The following SGSM2 variants were observed in gnomAD, a reference collection of about 807,000 sequenced individuals.
SGSM2 encodes the protein RUN and TBC1 domain containing 1.
A neutral mutation model predicts 126.6 loss-of-function variants in SGSM2; 89 were observed. The observed-to-expected ratio is 0.70, with a 90% CI of 0.59 to 0.84. The LOEUF is 0.84. Ranked by LOEUF, SGSM2 falls within the 40% of genes least tolerant of loss-of-function variation. The pLI is 0.00. For synonymous variants in SGSM2, 614 were observed against 574.3 expected, an observed-to-expected ratio of 1.07 and a Z score of -0.99; for missense variants, 1,404 against 1,416.6, an observed-to-expected ratio of 0.99 and a Z score of 0.14.
chr17:2,380,405 G>A lies in SGSM2; in HGVS notation c.*885G>A. ...GGTCACAGCCTCCCCTCAGAGACAG[G>A]CCTCAGTTCGAGGGCAGCCCATTAT... On this transcript the variant is annotated 3_prime_UTR_variant, in exon 24 of 24. Transcript: ENST00000268989. 8.7e-7 allele frequency: 1 copy of A among 1,150,432 alleles called. No individual in the cohort carries two copies. The highest frequency in any genetic ancestry group is 1.3e-6 in the Non-Finnish European group (1 of 797,712). 71.3% of individuals were successfully genotyped at this position (1,150,432 alleles called of 1,614,324 possible). A position where few individuals can be genotyped will look rare whatever the true frequency, so the allele number is the denominator to read the frequency against.
chr17:2,364,753 GTCC>G (rs1567827156), intron 9 of SGSM2, 90 bp downstream of exon 9: 1 of 1,562,784 alleles, frequency 6.4e-7, no homozygotes, highest in African/African-American at 1.4e-5. Context: ...AAGACTCCTC[GTCC>G]TCCTCCCATC....
In SGSM2 at chr17:2,367,304, G is replaced by T. The variant is rs776923604; in HGVS notation, c.1322G>T (p.Arg441Leu). 1.2e-6 allele frequency: 2 copies of T among 1,613,912 alleles called. No homozygotes were observed. Among genetic ancestry groups the T allele is most frequent in the African/African-American group, 1.3e-5 (1 of 74,918 alleles). Residue 441 changes from arginine to leucine, a missense_variant, in exon 12 of 24, where the codon CGC (arginine) becomes CTC (leucine). Arg to Leu is a moderately radical substitution (Grantham distance 102). Transcript: ENST00000268989. This position sits in a 1 kb window ranked among gnomAD's most constrained non-coding sequence, Gnocchi z 4.0. ...TINYHHLAAS[R>L]AASVDDDEEE... Reference sequence around the variant, plus strand: ...AACTACCACCACCTAGCGGCCAGCCGCGCGGCCTCGGTGGACGATGATGAG... The same window carrying T: ...AACTACCACCACCTAGCGGCCAGCCTCGCGGCCTCGGTGGACGATGATGAG...
intron 11 of SGSM2, among the ~76,000 whole-genome samples, 165 bp downstream of exon 11, chr17:2,365,506 T>C (rs568083964): frequency 5.3e-4 from 80 of 152,200 alleles, no homozygotes; most frequent in Non-Finnish European, 7.1e-4. Flanking sequence ...CCCACAGATA[T>C]TGCCTTTGAA....
Position 2,380,507 on chromosome 17 carries a change from A to G in SGSM2, c.*987A>G. On this transcript the variant is annotated 3_prime_UTR_variant, in exon 24 of 24. Coordinates refer to ENST00000268989, the MANE Select transcript of SGSM2 (RefSeq NM_014853.3). ...TGGGTGTCCCCATCTGTCCCTGGTG[A>G]GAAGCAAGGCTAGCTCTGCCTTCCA... 1 of 614,956 alleles carries G rather than the reference A, an allele frequency of 1.6e-6. No homozygotes were observed. 38.1% of individuals were successfully genotyped at this position (614,956 alleles called of 1,614,324 possible).
At chr17:2,348,496 G>A (rs547699000) in intron 2 of SGSM2, among the ~76,000 whole-genome samples, 18 of 152,312 alleles carry the variant, frequency 1.2e-4, no homozygotes, top group African/African-American at 4.1e-4. Context: ...AGAGGAAGGA[G>A]GGAGCTCTGA....
At chr17:2,348,767 T>C (rs1280084192) in intron 2 of SGSM2, among the ~76,000 whole-genome samples, 2 of 152,076 alleles carry the variant, frequency 1.3e-5, no homozygotes, top group East Asian at 3.9e-4. Context: ...TATTTTGTTT[T>C]GTTTCGTTTT....
chr17:2,339,088 C>T (rs956142472), intron 1 of SGSM2, among the ~76,000 whole-genome samples: 2 of 150,860 alleles, frequency 1.3e-5, no homozygotes, highest in East Asian at 2.0e-4. Flanking sequence ...TTAGCTGAGC[C>T]GTAATTAGAG....
intron 3 of SGSM2, 73 bp downstream of exon 3, chr17:2,361,872 C>A: frequency 6.6e-7 from 1 of 1,508,682 alleles, no homozygotes; most frequent in Admixed American, 2.0e-5. Context: ...TCCTAGGACA[C>A]CCATCGGAAA....
chr17:2,377,895 TG>T lies in SGSM2; in HGVS notation c.2843del (p.Gly948GlufsTer32). The T allele has an allele frequency of 6.2e-7, 1 of 1,613,236 alleles. No homozygotes were observed. The highest frequency in any genetic ancestry group is 8.5e-7 in the Non-Finnish European group (1 of 1,179,314). On this transcript the variant is annotated frameshift_variant, in exon 22 of 24. Transcript: ENST00000268989. LOFTEE classifies it high-confidence loss of function. ...SELFELMHQN[G>X]DYTHFYFCYR... ...AGCTGTTTGAGCTGATGCATCAGAA[TG>T]GAGACTACACCCACTTCTACTTCTG...
At chr17:2,371,066 G>A (rs1489937656) in intron 12 of SGSM2, among the ~76,000 whole-genome samples, 196 bp from the exon 13 acceptor site, 1 of 152,210 alleles carries the variant, frequency 6.6e-6, no homozygotes, top group African/African-American at 2.4e-5. Flanking sequence ...GCTTGCTGGA[G>A]GCTAGGAAGT....
intron 22 of SGSM2, 74 bp from the exon 23 acceptor site, chr17:2,378,962 C>A (rs2066302423): frequency 2.6e-6 from 4 of 1,517,104 alleles, no homozygotes; most frequent in Admixed American, 2.0e-5. Flanking sequence ...CAATCCCAGC[C>A]TCAGCCTCAA....
chr17:2,348,319 G>C (rs1171275197), intron 2 of SGSM2, among the ~76,000 whole-genome samples: 2 of 152,142 alleles, frequency 1.3e-5, no homozygotes, highest in African/African-American at 4.8e-5. Context: ...GGGATTCCTG[G>C]AGGCTGAGGT....
chr17:2,337,570 G>GCGC lies in SGSM2; in HGVS notation c.-119_-118insCGC. 1.9e-6 allele frequency: 1 copy of GCGC among 534,488 alleles called. No homozygotes were observed. 33.1% of individuals were successfully genotyped at this position (534,488 alleles called of 1,614,324 possible). A position where few individuals can be genotyped will look rare whatever the true frequency, so the allele number is the denominator to read the frequency against. On this transcript the variant is annotated 5_prime_UTR_variant, in exon 1 of 24. Coordinates refer to ENST00000268989, the MANE Select transcript of SGSM2 (RefSeq NM_014853.3). The surrounding 1 kb of genome is among the most constrained non-coding windows in gnomAD (Gnocchi z 5.1). ...GGCTGCGGCGGCGGCGGCGGCGGCG[G>GCGC]GCCGGGAGCGCGGCGGGCGGGGGCT...
intron 19 of SGSM2, chr17:2,376,498 C>A: frequency 4.5e-6 from 3 of 662,464 alleles, no homozygotes; most frequent in Non-Finnish European, 7.7e-6. Context: ...CATCCCCGCA[C>A]CCCCGCCCCA....
intron 20 of SGSM2, 26 bp from the exon 21 acceptor site, chr17:2,376,933 C>A: frequency 6.2e-7 from 1 of 1,604,768 alleles, no homozygotes; most frequent in Non-Finnish European, 8.5e-7. Flanking sequence ...TCCTGCCCTG[C>A]CAGCTTCACT....
chr17:2,378,284 G>GA (rs2066270882), intron 22 of SGSM2, among the ~76,000 whole-genome samples: 1 of 152,016 alleles, frequency 6.6e-6, no homozygotes, highest in South Asian at 2.1e-4. Context: ...AAAAAAGAAA[G>GA]AAAAAATGAG....
At position 2,364,055 on chromosome 17, in the gene SGSM2, G is replaced by C; in HGVS notation, c.808-4G>C. 6.2e-7 allele frequency: 1 copy of C among 1,614,068 alleles called. No individual in the cohort carries two copies. ...CGTCGGTCTTCCGGTGTCTCCCGCT[G>C]TAGAAGGAGGATATGGAGGCGGTCC... On this transcript the variant is annotated splice_region_variant and splice_polypyrimidine_tract_variant and intron_variant, in intron 7 of 23. Transcript: ENST00000268989.
At chr17:2,376,500 C>T in intron 19 of SGSM2, 2 of 662,128 alleles carry the variant, frequency 3.0e-6, no homozygotes, top group Non-Finnish European at 5.1e-6. Context: ...TCCCCGCACC[C>T]CCGCCCCACA....
At chr17:2,373,278 G>T in intron 16 of SGSM2, 53 bp from the exon 17 acceptor site, 1 of 1,583,380 alleles carries the variant, frequency 6.3e-7, no homozygotes. Flanking sequence ...AGCTCCTGAA[G>T]GGGAGGGCCT....
Sources: gnomAD v4.1 joint callset for allele counts (sites outside exome capture counted in the v4.1 genomes callset) on GRCh38, gnomAD v4.1.1 for gene constraint, Gnocchi (gnomAD v3.1) non-coding constraint, MANE v1.5 for transcripts, NCBI Gene and HGNC (gene_info 2026-07-23, HGNC 2026-07-21) for gene names.